The following SNX8 variants were observed in gnomAD, a reference collection of about 807,000 sequenced individuals.
SNX8 encodes sorting nexin-8.
SNX8 carries 25 observed loss-of-function variants against 51.6 expected under a neutral mutation model. That is an observed-to-expected ratio of 0.48 (90% confidence interval 0.35 to 0.68). The LOEUF (loss-of-function observed/expected upper bound fraction) is 0.68. Among genes scored for constraint, SNX8 ranks in the 30% least tolerant of loss-of-function variants. The probability of loss-of-function intolerance (pLI) is 0.00; values close to 1 mark genes in which losing one functional copy is unlikely to be tolerated. For missense variants in SNX8, 695 were observed against 624.0 expected, an observed-to-expected ratio of 1.11 and a Z score of -1.21; for synonymous variants, 324 against 277.0, an observed-to-expected ratio of 1.17 and a Z score of -1.68.
intron 4 of SNX8, among the ~76,000 whole-genome samples, chr7:2,271,118 A>G (rs1022651225): frequency 3.9e-5 from 6 of 152,156 alleles, no homozygotes; most frequent in East Asian, 1.9e-4. Context: ...ATCACAGCTC[A>G]CTGCAAGCTC....
intron 1 of SNX8, among the ~76,000 whole-genome samples, chr7:2,299,105 C>T (rs948878834): frequency 2.6e-5 from 4 of 152,100 alleles, no homozygotes; most frequent in Middle Eastern, 3.4e-3. Flanking sequence ...CTAGGTTCCT[C>T]GATAGGACAA....
chr7:2,277,038 G>A (rs988479696), intron 2 of SNX8, among the ~76,000 whole-genome samples: 5 of 152,338 alleles, frequency 3.3e-5, no homozygotes, highest in East Asian at 1.9e-4. Context: ...CCGTCCGGCC[G>A]GGGCTGGGCC....
chr7:2,268,007 C>T (rs1471878993), intron 5 of SNX8, among the ~76,000 whole-genome samples: 5 of 150,796 alleles, frequency 3.3e-5, no homozygotes, highest in African/African-American at 1.2e-4. Context: ...GGCCGAGACC[C>T]CGTCTGGGAG....
At chr7:2,266,491 T>C (rs1795467329) in intron 5 of SNX8, among the ~76,000 whole-genome samples, 2 of 151,966 alleles carry the variant, frequency 1.3e-5, no homozygotes, top group South Asian at 4.2e-4. Context: ...GAATTACAGG[T>C]GCACGCCACC....
chr7:2,324,299 T>C (rs1479116592), intron 1 of SNX8, among the ~76,000 whole-genome samples: 1 of 150,836 alleles, frequency 6.6e-6, no homozygotes, highest in African/African-American at 2.4e-5. Context: ...CTTTCTTTTT[T>C]TTTTTTTTTG....
At chr7:2,285,000 C>T (rs1442602968) in intron 1 of SNX8, among the ~76,000 whole-genome samples, 2 of 151,930 alleles carry the variant, frequency 1.3e-5, no homozygotes, top group Non-Finnish European at 2.9e-5. Context: ...ATCACAAGGT[C>T]AGGAGATCGA....
chr7:2,307,739 A>C (rs1796578354), intron 1 of SNX8: 1 of 151,540 alleles, frequency 6.6e-6, no homozygotes, highest in Non-Finnish European at 1.5e-5. Flanking sequence ...TGCAGCCTCC[A>C]AGCTTCTAAT....
intron 3 of SNX8, among the ~76,000 whole-genome samples, chr7:2,272,667 C>G (rs930942229): frequency 6.6e-6 from 1 of 151,962 alleles, no homozygotes; most frequent in African/African-American, 2.4e-5. Flanking sequence ...TAAGCCACCG[C>G]GCCCGGCCGA....
chr7:2,336,861 G>C (rs1225569724), intron 1 of SNX8, among the ~76,000 whole-genome samples: 1 of 148,150 alleles, frequency 6.7e-6, no homozygotes, highest in African/African-American at 2.5e-5. Flanking sequence ...ACAAAAAAAT[G>C]AGCTGGGCAT....
At chr7:2,342,723 C>T (rs12699855) in intron 1 of SNX8, among the ~76,000 whole-genome samples, 76,353 of 151,868 alleles carry the variant, frequency 0.5, 19,341 homozygotes, top group East Asian at 0.65. Context: ...TGAGAGAAGA[C>T]AGAGTAACTT....
chr7:2,340,710 A>G (rs1002263883), intron 1 of SNX8, among the ~76,000 whole-genome samples: 15 of 151,620 alleles, frequency 9.9e-5, no homozygotes, highest in African/African-American at 3.6e-4. Context: ...TACAGAAGTC[A>G]GCCAGACACA....
At chr7:2,302,017 C>CT (rs1796405829) in intron 1 of SNX8, among the ~76,000 whole-genome samples, 2 of 152,082 alleles carry the variant, frequency 1.3e-5, no homozygotes, top group Non-Finnish European at 2.9e-5. Flanking sequence ...CCGAGGCAGG[C>CT]AGATCACCAG....
intron 1 of SNX8, 53 bp downstream of exon 1, chr7:2,314,275 G>T: frequency 8.2e-7 from 1 of 1,215,286 alleles, no homozygotes; most frequent in Non-Finnish European, 1.0e-6. Context: ...CGCCGGGGGT[G>T]GTCGGGCCGC....
intron 7 of SNX8, among the ~76,000 whole-genome samples, chr7:2,258,806 C>T (rs1378776900): frequency 2.0e-5 from 3 of 152,138 alleles, no homozygotes; most frequent in Admixed American, 6.5e-5. Flanking sequence ...AGGCTCTGTG[C>T]GGGCAGCACA....
chr7:2,263,918 C>G (rs1264791418), intron 6 of SNX8, among the ~76,000 whole-genome samples: 1 of 152,020 alleles, frequency 6.6e-6, no homozygotes, highest in Non-Finnish European at 1.5e-5. Flanking sequence ...GTTTCACCAT[C>G]TTGGCCAGGC....
chr7:2,314,888 CCACT>C (rs889093077), upstream of SNX8, among the ~76,000 whole-genome samples: 1 of 151,904 alleles, frequency 6.6e-6, no homozygotes, highest in African/African-American at 2.4e-5. Context: ...ATTCATTCAC[CCACT>C]CACTCACTGC....
intron 5 of SNX8, among the ~76,000 whole-genome samples, chr7:2,265,893 C>T (rs1256837127): frequency 2.0e-5 from 3 of 152,100 alleles, no homozygotes; most frequent in African/African-American, 4.8e-5. Context: ...AGGAGGATTG[C>T]TTGAGGCCAA....
chr7:2,289,824 G>A (rs1796111871), intron 1 of SNX8, among the ~76,000 whole-genome samples: 2 of 152,318 alleles, frequency 1.3e-5, no homozygotes, highest in East Asian at 1.9e-4. Context: ...TCGGGAGGGT[G>A]AGGCGGAGGC....
At chr7:2,303,077 C>T (rs1301931493) in intron 1 of SNX8, among the ~76,000 whole-genome samples, 52 of 148,972 alleles carry the variant, frequency 3.5e-4, no homozygotes, top group Non-Finnish European at 6.3e-4. Flanking sequence ...GCCCCCCACC[C>T]GGCCAGCCGC....
Sources: allele counts gnomAD v4.1 joint callset (sites outside exome capture counted in the v4.1 genomes callset), GRCh38; gene constraint gnomAD v4.1.1; transcripts MANE v1.5; gene names NCBI Gene and HGNC (gene_info 2026-07-23, HGNC 2026-07-21).